NAA11: variants seen among roughly 807,000 people sequenced by gnomAD.
NAA11 encodes N-alpha-acetyltransferase 11.
A neutral mutation model predicts 16.1 loss-of-function variants in NAA11; 15 were observed. That is an observed-to-expected ratio of 0.93 (90% CI 0.62 to 1.44). The LOEUF is 1.44. NAA11 is among the 40% of genes most tolerant of loss of function. The pLI is 0.00. For missense variants in NAA11, 298 were observed against 291.3 expected (o/e 1.02, Z -0.17); for synonymous variants, 122 against 112.4 (o/e 1.09, Z -0.54).
the NAA11 span, among the ~76,000 whole-genome samples, chr4:79,198,559 G>GA: frequency 6.6e-6 from 1 of 151,852 alleles, no homozygotes; most frequent in African/African-American, 2.4e-5. Context: ...GTATCCTCCT[G>GA]TACCCTAACC....
At chr4:79,219,982 A>G in the NAA11 span, among the ~76,000 whole-genome samples, 1 of 152,172 alleles carries the variant, frequency 6.6e-6, no homozygotes, top group African/African-American at 2.4e-5. Flanking sequence ...ATAATAAACT[A>G]TTTTGAGCTC....
chr4:79,175,698 A>G, the NAA11 span, among the ~76,000 whole-genome samples: 1 of 150,912 alleles, frequency 6.6e-6, no homozygotes, highest in Non-Finnish European at 1.5e-5. Context: ...TCTGGCCACA[A>G]TGCTCAATAG....
chr4:79,183,193 G>C, the NAA11 span, among the ~76,000 whole-genome samples: 136 of 152,098 alleles, frequency 8.9e-4, 1 homozygote, highest in African/African-American at 3.2e-3. Flanking sequence ...ATCTGTGGGA[G>C]GTTACTAGGA....
chr4:79,211,391 T>C, the NAA11 span, among the ~76,000 whole-genome samples: 1 of 152,132 alleles, frequency 6.6e-6, no homozygotes, highest in Admixed American at 6.5e-5. Flanking sequence ...ATATGTGTGC[T>C]GCAGAAAGAA....
chr4:79,267,860 G>A lies in NAA11; in HGVS notation c.*122+26145C>T, dbSNP rs1017829474. The stretch of plus-strand genomic sequence containing the variant: ...TGCTGTTTCCTAGGAGGAAACAGCA[G>A]CTTCTGCCTGCCATATGTTCATATA... On this transcript the variant is annotated intron_variant and NMD_transcript_variant, in intron 2 of 2. Coordinates refer to the NAA11 transcript ENST00000511542. Among the ~76,000 whole-genome samples, 18 of 152,202 alleles carry A rather than the reference G, an allele frequency of 1.2e-4. 2 individuals are homozygous for A. The highest frequency in any genetic ancestry group is 6.8e-3 in the Middle Eastern group (2 of 294).
At chr4:79,312,990 T>C (rs1231849654), downstream of NAA11, among the ~76,000 whole-genome samples, 1 of 152,226 alleles carries the variant, frequency 6.6e-6, no homozygotes, top group Non-Finnish European at 1.5e-5. Flanking sequence ...AATGAATGTA[T>C]AGAAAGTTGG....
At chr4:79,245,423 T>C (rs11098606) in intron 2 of NAA11, 102,200 of 144,946 alleles carry the variant, frequency 0.71, 38,486 homozygotes, top group East Asian at 0.88. Context: ...GGAGCGCCTC[T>C]GCCCGGCCGC....
chr4:79,201,717 C>G, the NAA11 span, among the ~76,000 whole-genome samples: 2 of 151,600 alleles, frequency 1.3e-5, no homozygotes, highest in Non-Finnish European at 3.0e-5. Flanking sequence ...TCCATGTGAG[C>G]CTTGCAGTTC....
intron 2 of NAA11, among the ~76,000 whole-genome samples, chr4:79,264,687 G>A (rs1578169234): frequency 6.6e-6 from 1 of 152,176 alleles, no homozygotes; most frequent in South Asian, 2.1e-4. Flanking sequence ...GTGTTTGCTG[G>A]GGCAGTGCTC....
chr4:79,301,673 A>G (rs577644962), intron 1 of NAA11, among the ~76,000 whole-genome samples: 2 of 152,330 alleles, frequency 1.3e-5, no homozygotes, highest in South Asian at 4.1e-4. Context: ...GCACCCATGG[A>G]AAAGCAGAAG....
intron 1 of NAA11, among the ~76,000 whole-genome samples, chr4:79,297,283 C>A (rs1233831310): frequency 6.6e-6 from 1 of 152,164 alleles, no homozygotes; most frequent in Non-Finnish European, 1.5e-5. Flanking sequence ...TGTGATGGAG[C>A]CAGGCTGAGC....
At chr4:79,240,762 G>A (rs949797980) in intron 2 of NAA11, among the ~76,000 whole-genome samples, 3 of 152,024 alleles carry the variant, frequency 2.0e-5, no homozygotes, top group African/African-American at 7.2e-5. Context: ...AGGAGAAACT[G>A]GGCTGCTGTT....
intron 1 of NAA11, among the ~76,000 whole-genome samples, chr4:79,300,807 G>A (rs1353141173): frequency 6.6e-6 from 1 of 152,114 alleles, no homozygotes; most frequent in Non-Finnish European, 1.5e-5. Flanking sequence ...ACATTAGAAA[G>A]GATAAGCTAG....
chr4:79,310,554 C>T (rs13145094), intron 1 of NAA11, among the ~76,000 whole-genome samples: 1 of 152,180 alleles, frequency 6.6e-6, no homozygotes, highest in African/African-American at 2.4e-5. Context: ...TACTTAGCAC[C>T]TTAATTCCCG....
chr4:79,315,757 C>A (rs1453243892), downstream of NAA11, among the ~76,000 whole-genome samples: 1 of 152,040 alleles, frequency 6.6e-6, no homozygotes, highest in Non-Finnish European at 1.5e-5. Context: ...CAGACTCTCA[C>A]AATTTGTGTT....
At chr4:79,311,247 C>G (rs1214516604) in intron 1 of NAA11, among the ~76,000 whole-genome samples, 1 of 152,146 alleles carries the variant, frequency 6.6e-6, no homozygotes, top group Non-Finnish European at 1.5e-5. Context: ...TAAATACAGT[C>G]TGTTTTCATT....
At chr4:79,226,071 A>T (rs529266986) in exon 3 of NAA11, 1 of 152,098 alleles carries the variant, frequency 6.6e-6, no homozygotes, top group East Asian at 1.9e-4. Flanking sequence ...AAATTTCAAA[A>T]TCTGCATGTG....
Position 79,231,233 on chromosome 4 carries a change from C to T in NAA11, c.*123-4963G>A, listed in dbSNP as rs370368430. Among the ~76,000 whole-genome samples, 29 of 152,014 alleles carry T rather than the reference C, an allele frequency of 1.9e-4. No homozygotes were observed. In the East Asian group the frequency reaches 5.6e-3, roughly 29 times the overall value. ...AGAAGAAAGAAACCTACTGGTTTGG[C>T]AGAGTGATAGTCTAATAAATAGGTA... On this transcript the variant is annotated intron_variant and NMD_transcript_variant, in intron 2 of 2. Transcript: ENST00000511542.
chr4:79,174,178 C>T, the NAA11 span, among the ~76,000 whole-genome samples: 1 of 151,960 alleles, frequency 6.6e-6, no homozygotes, highest in Non-Finnish European at 1.5e-5. Context: ...AAATAGAATA[C>T]AATTTTGAGA....
Sources: gnomAD v4.1 joint callset for allele counts (sites outside exome capture counted in the v4.1 genomes callset) on GRCh38, gnomAD v4.1.1 for gene constraint, MANE v1.5 for transcripts, NCBI Gene and HGNC (gene_info 2026-07-23, HGNC 2026-07-21) for gene names.